Variants in ZBTB20 observed in about 807,000 individuals in gnomAD.
The protein encoded by ZBTB20 is zinc finger and BTB domain containing 20.
ZBTB20 carries 9 observed loss-of-function variants against 56.9 expected under a neutral mutation model. The ratio of observed to expected loss-of-function variants is 0.16; its 90% confidence interval spans 0.10 to 0.28. The LOEUF (loss-of-function observed/expected upper bound fraction) is 0.28. Among genes scored for constraint, ZBTB20 ranks in the 10% least tolerant of loss-of-function variants. The probability of loss-of-function intolerance (pLI) is 1.00; values close to 1 mark genes in which losing one functional copy is unlikely to be tolerated. For missense variants in ZBTB20, 655 were observed against 1,003.0 expected, an observed-to-expected ratio of 0.65 and a Z score of 4.69; for synonymous variants, 417 against 420.7, an observed-to-expected ratio of 0.99 and a Z score of 0.11.
chr3:114,354,290 GTGAT>G (rs1351544832), intron 10 of ZBTB20, among the ~76,000 whole-genome samples: 1 of 152,214 alleles, frequency 6.6e-6, no homozygotes. Context: ...GGTTGTGTCT[GTGAT>G]CATCTCTGTG....
At chr3:114,561,828 C>G (rs962021166) in intron 6 of ZBTB20, among the ~76,000 whole-genome samples, 1 of 152,072 alleles carries the variant, frequency 6.6e-6, no homozygotes, top group South Asian at 2.1e-4. Flanking sequence ...TGCTTTGAAA[C>G]CAGGCATTGA....
At chr3:114,886,124 A>G (rs1039128821) in intron 4 of ZBTB20, among the ~76,000 whole-genome samples, 3 of 152,210 alleles carry the variant, frequency 2.0e-5, no homozygotes, top group African/African-American at 7.2e-5. Flanking sequence ...TTAAAAGGGG[A>G]AAACACAAAG....
intron 5 of ZBTB20, among the ~76,000 whole-genome samples, chr3:114,748,616 G>T (rs1268061645): frequency 2.0e-5 from 3 of 151,984 alleles, no homozygotes; most frequent in South Asian, 4.2e-4. Flanking sequence ...TGAACTCAAT[G>T]GTCCAACTGC....
In ZBTB20 at chr3:114,380,424, CCT is replaced by C; in HGVS notation, c.12-22_12-21del. On this transcript the variant is annotated intron_variant, in intron 9 of 11. Transcript: ENST00000675478. ...TTCTTCCTGAAAATAAACAAAGGGC[CCT>C]TTGAAGGAACTGACTGCATATTTGG... 1.3e-6 allele frequency: 2 copies of C among 1,505,528 alleles called. No individual in the cohort carries two copies. Among genetic ancestry groups the C allele is most frequent in the Non-Finnish European group, 1.8e-6 (2 of 1,131,666 alleles). 93.3% of individuals were successfully genotyped at this position (1,505,528 alleles called of 1,614,324 possible).
At chr3:114,928,501 T>TA (rs1037151937) in intron 3 of ZBTB20, among the ~76,000 whole-genome samples, 3 of 152,200 alleles carry the variant, frequency 2.0e-5, no homozygotes, top group African/African-American at 7.2e-5. Flanking sequence ...GTTTAATTTC[T>TA]AAAAAATAAA....
At chr3:114,737,874 TC>T (rs2066291207) in intron 5 of ZBTB20, among the ~76,000 whole-genome samples, 1 of 152,180 alleles carries the variant, frequency 6.6e-6, no homozygotes, top group Non-Finnish European at 1.5e-5. Context: ...GTATATTGTT[TC>T]AAATCTCTAT....
intron 6 of ZBTB20, among the ~76,000 whole-genome samples, chr3:114,575,300 T>C (rs1178677163): frequency 1.3e-5 from 2 of 152,194 alleles, no homozygotes; most frequent in Non-Finnish European, 2.9e-5. Context: ...TTAACATGAA[T>C]AATATGTACT....
At chr3:115,118,509 G>C (rs1391824896) in intron 1 of ZBTB20, among the ~76,000 whole-genome samples, 2 of 151,806 alleles carry the variant, frequency 1.3e-5, no homozygotes, top group Non-Finnish European at 2.9e-5. Context: ...AGGTCAACCA[G>C]CGCACTTAAC....
intron 4 of ZBTB20, among the ~76,000 whole-genome samples, chr3:114,822,055 G>A (rs191203092): frequency 7.0e-4 from 106 of 152,104 alleles, no homozygotes; most frequent in Admixed American, 4.4e-3. Flanking sequence ...TCAGAAATAT[G>A]TAGAAATAAG....
rs1578864306 is a variant in ZBTB20 at position 114,787,329 on chromosome 3, GGTTATATATATATATATATA to G, written c.-343+13752_-343+13771del. 2.0e-4 allele frequency among the ~76,000 whole-genome samples: 7 copies of G among 35,218 alleles called. No individual in the cohort carries two copies. The East Asian group carries it at 2.1e-3, about 10-fold the overall frequency. The allele number at this position is 35,218 out of a possible 152,430, so 23.1% of individuals were successfully genotyped here. A position where few individuals can be genotyped will look rare whatever the true frequency, so the allele number is the denominator to read the frequency against. On this transcript the variant is annotated intron_variant, in intron 5 of 11. Coordinates refer to ENST00000675478, the MANE Select transcript of ZBTB20 (RefSeq NM_001348800.3). ...TGAGTGAAAGAAGCCAGTCTTAAAAGGTTATATATATATATATATATATATATATATATATATATACACAC... is the reference window on the plus strand; with the variant it reads ...TGAGTGAAAGAAGCCAGTCTTAAAAGTATATATATATATATATATACACAC...
chr3:115,051,051 T>C (rs181600147), intron 2 of ZBTB20, among the ~76,000 whole-genome samples: 13 of 152,210 alleles, frequency 8.5e-5, no homozygotes, highest in Admixed American at 4.6e-4. Flanking sequence ...AAATTATTAA[T>C]GATTTAACGG....
chr3:114,567,425 G>A (rs940707645), intron 6 of ZBTB20, among the ~76,000 whole-genome samples: 7 of 152,140 alleles, frequency 4.6e-5, no homozygotes, highest in Admixed American at 6.5e-5. Flanking sequence ...TTGGCATTGG[G>A]ATAAAATTTC....
intron 2 of ZBTB20, among the ~76,000 whole-genome samples, chr3:115,067,328 G>A (rs980301825): frequency 6.6e-6 from 1 of 151,762 alleles, no homozygotes; most frequent in Non-Finnish European, 1.5e-5. Context: ...TACTTGATGA[G>A]GCCAATAATT....
chr3:114,497,221 C>A (rs973677253), intron 7 of ZBTB20, among the ~76,000 whole-genome samples: 13 of 152,212 alleles, frequency 8.5e-5, no homozygotes, highest in African/African-American at 2.9e-4. Flanking sequence ...TTGACCTGGT[C>A]TCCCTATTCT....
rs772220482 is a variant in ZBTB20 at position 115,123,214 on chromosome 3, G to A, written c.-703+24005C>T. Among the ~76,000 whole-genome samples, 195 of 152,192 alleles carry A rather than the reference G, an allele frequency of 1.3e-3. 2 individuals are homozygous for A. The highest frequency in any genetic ancestry group is 1.7e-3 in the Non-Finnish European group (118 of 67,972). Reference sequence around the variant, plus strand: ...GACTCTCATTAAACATTAGCACTTTGCCATTATCTCTTAATATTTTTGTGG... The same window carrying A: ...GACTCTCATTAAACATTAGCACTTTACCATTATCTCTTAATATTTTTGTGG... On this transcript the variant is annotated intron_variant, in intron 1 of 11. Coordinates refer to ENST00000675478, the MANE Select transcript of ZBTB20 (RefSeq NM_001348800.3).
rs1156892957 is a variant in ZBTB20 at position 114,329,689 on chromosome 3, C to T, written c.*9316G>A. 5.7e-5 allele frequency: 6 copies of T among 106,072 alleles called. No homozygotes were observed. Among genetic ancestry groups the T allele is most frequent in the African/African-American group, 2.2e-4 (6 of 27,710 alleles). The allele number at this position is 106,072 out of a possible 1,614,324, so 6.6% of individuals were successfully genotyped here. A position where few individuals can be genotyped will look rare whatever the true frequency, so the allele number is the denominator to read the frequency against. The stretch of plus-strand genomic sequence containing the variant: ...CTCTGTGGATAAAGAGTTCCTGAAA[C>T]TCTGGTTTTACTTTTTTTGGAAAAA... On this transcript the variant is annotated 3_prime_UTR_variant, in exon 12 of 12. Transcript: ENST00000675478.
At chr3:114,840,262 G>A (rs1223004801) in intron 4 of ZBTB20, among the ~76,000 whole-genome samples, 1 of 152,190 alleles carries the variant, frequency 6.6e-6, no homozygotes, top group East Asian at 1.9e-4. Context: ...CAATTAACCT[G>A]TTAATGATAA....
chr3:115,105,190 A>G (rs555236862), intron 1 of ZBTB20, among the ~76,000 whole-genome samples: 2 of 152,354 alleles, frequency 1.3e-5, no homozygotes, highest in South Asian at 2.1e-4. Flanking sequence ...GCGTATCATA[A>G]TAATAGTTAT....
chr3:114,342,880 C>T (rs1287268404), intron 11 of ZBTB20, among the ~76,000 whole-genome samples: 1 of 152,108 alleles, frequency 6.6e-6, no homozygotes, highest in African/African-American at 2.4e-5. Flanking sequence ...ATTACATATG[C>T]GAATGGCAAG....
Sources: gnomAD v4.1 joint callset for allele counts (sites outside exome capture counted in the v4.1 genomes callset) on GRCh38, gnomAD v4.1.1 for gene constraint, MANE v1.5 for transcripts, NCBI Gene and HGNC (gene_info 2026-07-23, HGNC 2026-07-21) for gene names.